ZUP1: variants seen among roughly 807,000 people sequenced by gnomAD.
ZUP1 encodes zinc finger-containing ubiquitin peptidase 1.
In ZUP1, 55 loss-of-function variants were observed where a neutral mutation model predicts 68.1. That is an observed-to-expected ratio of 0.81 (90% CI 0.65 to 1.01). The LOEUF (loss-of-function observed/expected upper bound fraction) is 1.01. ZUP1 is among the 50% of genes least tolerant of loss of function. The pLI, the probability that ZUP1 is intolerant of heterozygous loss-of-function variation, is 0.00. For missense variants in ZUP1, 684 were observed against 674.9 expected, an observed-to-expected ratio of 1.01 and a Z score of -0.15; for synonymous variants, 223 against 221.5, an observed-to-expected ratio of 1.01 and a Z score of -0.06.
intron 1 of ZUP1, among the ~76,000 whole-genome samples, chr6:116,668,023 A>T (rs1777062715): frequency 6.6e-6 from 1 of 152,162 alleles, no homozygotes; most frequent in African/African-American, 2.4e-5. Context: ...TTAAAAAAAT[A>T]ATTTTAAAAA....
chr6:116,645,921 AGTTC>A lies in ZUP1; in HGVS notation c.1478_1481del (p.Arg493LeufsTer16). 6.2e-7 allele frequency: 1 copy of A among 1,612,384 alleles called. No individual in the cohort carries two copies. The highest frequency in any genetic ancestry group is 8.5e-7 in the Non-Finnish European group (1 of 1,179,282). ...TTTTTTTCTCTTCAATTCCAATAAC[AGTTC>A]GACTGTGACCTATCAAAAGATTTTT... On this transcript the variant is annotated frameshift_variant, in exon 9 of 10. Transcript: ENST00000368576. LOFTEE classifies it high-confidence loss of function.
intron 9 of ZUP1, among the ~76,000 whole-genome samples, chr6:116,640,623 C>T (rs945093443): frequency 9.9e-5 from 15 of 152,036 alleles, no homozygotes; most frequent in Middle Eastern, 3.2e-3. Context: ...AAATACTTTA[C>T]AGACAAGCAA....
intron 1 of ZUP1, among the ~76,000 whole-genome samples, chr6:116,667,591 T>C (rs1456635856): frequency 6.6e-6 from 1 of 152,144 alleles, no homozygotes; most frequent in Non-Finnish European, 1.5e-5. Context: ...GCTGATTATA[T>C]TGAGGAGGTA....
At chr6:116,646,582 T>C (rs1776316712) in intron 8 of ZUP1, among the ~76,000 whole-genome samples, 1 of 152,060 alleles carries the variant, frequency 6.6e-6, no homozygotes, top group Non-Finnish European at 1.5e-5. Flanking sequence ...TGGGATGAGT[T>C]GTACGTGTTT....
chr6:116,652,346 C>A (rs1776533780), intron 5 of ZUP1, among the ~76,000 whole-genome samples, 154 bp from the exon 6 acceptor site: 1 of 152,064 alleles, frequency 6.6e-6, no homozygotes, highest in African/African-American at 2.4e-5. Context: ...AGTTTGTGTC[C>A]TTGCTTGTTA....
chr6:116,639,149 T>C (rs573207639), intron 9 of ZUP1, among the ~76,000 whole-genome samples: 1 of 152,330 alleles, frequency 6.6e-6, no homozygotes, highest in Non-Finnish European at 1.5e-5. Flanking sequence ...GTGCCCGCCA[T>C]TGCCCAGGCT....
At chr6:116,647,930 T>C (rs746151492) in intron 7 of ZUP1, among the ~76,000 whole-genome samples, 11 of 152,208 alleles carry the variant, frequency 7.2e-5, no homozygotes, top group Non-Finnish European at 1.5e-4. Context: ...TCTCCATGAA[T>C]AGTAAATAAT....
At chr6:116,663,434 C>T (rs1050926838) in intron 2 of ZUP1, among the ~76,000 whole-genome samples, 8 of 152,104 alleles carry the variant, frequency 5.3e-5, no homozygotes, top group African/African-American at 1.7e-4. Flanking sequence ...CTTTTTTAAC[C>T]GCAACTAAAC....
At chr6:116,660,919 A>G in intron 2 of ZUP1, 73 bp from the exon 3 acceptor site, 1 of 764,108 alleles carries the variant, frequency 1.3e-6, no homozygotes, top group South Asian at 1.9e-5. Context: ...TTTTTTTTTG[A>G]GACAGGGTCT....
intron 2 of ZUP1, among the ~76,000 whole-genome samples, chr6:116,662,602 T>G (rs1776877148): frequency 6.6e-6 from 1 of 152,196 alleles, no homozygotes; most frequent in Admixed American, 6.5e-5. Context: ...CCTACCACAA[T>G]GCCCTCAGAA....
At chr6:116,656,005 A>G (rs1389907709) in intron 5 of ZUP1, among the ~76,000 whole-genome samples, 1 of 152,218 alleles carries the variant, frequency 6.6e-6, no homozygotes, top group Non-Finnish European at 1.5e-5. Context: ...TACATGTTGA[A>G]ATAATAATAT....
chr6:116,639,697 T>C (rs2115378324), intron 9 of ZUP1, among the ~76,000 whole-genome samples: 2 of 152,146 alleles, frequency 1.3e-5, no homozygotes, highest in Non-Finnish European at 2.9e-5. Context: ...TACATCACCA[T>C]CATCAAAGAC....
chr6:116,662,942 C>A lies in ZUP1; in HGVS notation c.560-2096G>T, dbSNP rs1385471048. Among the ~76,000 whole-genome samples, 3 of 152,268 alleles carry A rather than the reference C, an allele frequency of 2.0e-5. No individual in the cohort carries two copies. In the South Asian group the frequency reaches 6.2e-4, roughly 32 times the overall value. On this transcript the variant is annotated intron_variant, in intron 2 of 9. Coordinates refer to ENST00000368576, the MANE Select transcript of ZUP1 (RefSeq NM_145062.3). ...CTTTCATTTACTAAAAATGTTAACACCTGGATCAAAACCTTCTTTTCCTAG... is the reference window on the plus strand; with the variant it reads ...CTTTCATTTACTAAAAATGTTAACAACTGGATCAAAACCTTCTTTTCCTAG...
intron 2 of ZUP1, among the ~76,000 whole-genome samples, chr6:116,664,946 A>G (rs1433504567): frequency 6.6e-6 from 1 of 152,128 alleles, no homozygotes; most frequent in Non-Finnish European, 1.5e-5. Context: ...ATAAAACATT[A>G]AAGTTTTTAG....
chr6:116,638,760 G>A (rs954831214), intron 9 of ZUP1, among the ~76,000 whole-genome samples: 49 of 152,330 alleles, frequency 3.2e-4, no homozygotes, highest in African/African-American at 1.2e-3. Context: ...CATGAGTGAC[G>A]CAGAAGACGG....
chr6:116,655,657 A>G (rs1212234184), intron 5 of ZUP1, among the ~76,000 whole-genome samples: 1 of 152,236 alleles, frequency 6.6e-6, no homozygotes, highest in Admixed American at 6.5e-5. Flanking sequence ...TCATCAGAAA[A>G]AAGCCATATT....
intron 9 of ZUP1, among the ~76,000 whole-genome samples, chr6:116,642,449 C>T (rs1172642960): frequency 6.6e-6 from 1 of 152,036 alleles, no homozygotes; most frequent in Non-Finnish European, 1.5e-5. Context: ...AAAATACTGG[C>T]AAACTGAATC....
intron 9 of ZUP1, among the ~76,000 whole-genome samples, chr6:116,636,930 C>T (rs1157309682): frequency 6.6e-6 from 1 of 151,972 alleles, no homozygotes; most frequent in Non-Finnish European, 1.5e-5. Context: ...AGACTTTTAC[C>T]TGATGATCTG....
chr6:116,659,571 C>T (rs1490610746), intron 3 of ZUP1, among the ~76,000 whole-genome samples: 2 of 151,634 alleles, frequency 1.3e-5, no homozygotes, highest in Non-Finnish European at 2.9e-5. Flanking sequence ...CATTGATACT[C>T]CTTAACATAA....
Sources: allele counts gnomAD v4.1 joint callset (sites outside exome capture counted in the v4.1 genomes callset), GRCh38; gene constraint gnomAD v4.1.1; transcripts MANE v1.5; gene names NCBI Gene and HGNC (gene_info 2026-07-23, HGNC 2026-07-21).